Variants in CNTN5 observed in about 807,000 individuals in gnomAD.
CNTN5 encodes contactin 5.
CNTN5 carries 77 observed loss-of-function variants against 129.1 expected under a neutral mutation model. The observed-to-expected ratio is 0.60, with a 90% CI of 0.50 to 0.72. The LOEUF is 0.72. Ranked by LOEUF, CNTN5 falls within the 30% of genes least tolerant of loss-of-function variation. The pLI, the probability that CNTN5 is intolerant of heterozygous loss-of-function variation, is 0.00. For synonymous variants in CNTN5, 509 were observed against 465.6 expected, an observed-to-expected ratio of 1.09 and a Z score of -1.20; for missense variants, 1,478 against 1,328.8, an observed-to-expected ratio of 1.11 and a Z score of -1.75.
At chr11:100,020,987 C>T (rs748821887) in intron 9 of CNTN5, among the ~76,000 whole-genome samples, 28 of 152,006 alleles carry the variant, frequency 1.8e-4, no homozygotes, top group Middle Eastern at 3.2e-3. Context: ...TTAAAATGTC[C>T]GTACTGCCCA....
intron 7 of CNTN5, among the ~76,000 whole-genome samples, chr11:99,933,378 C>T (rs1349087149): frequency 6.6e-6 from 1 of 152,070 alleles, no homozygotes; most frequent in African/African-American, 2.4e-5. Flanking sequence ...TGAACATCAG[C>T]AACTTTTAAG....
intron 2 of CNTN5, among the ~76,000 whole-genome samples, chr11:99,355,609 T>A (rs1938591800): frequency 6.6e-6 from 1 of 151,902 alleles, no homozygotes; most frequent in Admixed American, 6.6e-5. Context: ...AAAAGTAGAG[T>A]GTTTTTGTGC....
At chr11:99,471,375 A>T (rs1318244178) in intron 2 of CNTN5, among the ~76,000 whole-genome samples, 1 of 152,052 alleles carries the variant, frequency 6.6e-6, no homozygotes. Flanking sequence ...ACTCTCATGT[A>T]CTTTCTGGAT....
Position 99,290,120 on chromosome 11 carries a change from A to G in CNTN5, c.-209-35226A>G, listed in dbSNP as rs997044123. 1.2e-4 allele frequency among the ~76,000 whole-genome samples: 18 copies of G among 151,776 alleles called. 1 individual carries two copies. Among genetic ancestry groups the G allele is most frequent in the Non-Finnish European group, 1.5e-5 (1 of 67,738 alleles). On this transcript the variant is annotated intron_variant, in intron 1 of 24. Transcript: ENST00000524871. ...TATTTAAAATTATAACCCCCCCAAA[A>G]TAAAATAAACTTAGGACCCTTATAT... is the stretch of plus-strand genomic sequence containing the variant.
At chr11:99,499,477 G>A (rs779010237) in intron 2 of CNTN5, among the ~76,000 whole-genome samples, 5 of 152,154 alleles carry the variant, frequency 3.3e-5, no homozygotes, top group African/African-American at 7.2e-5. Flanking sequence ...AGCCCTCACC[G>A]GACAACTGAA....
chr11:99,828,504 C>T (rs1471803189), intron 4 of CNTN5, among the ~76,000 whole-genome samples: 1 of 152,156 alleles, frequency 6.6e-6, no homozygotes, highest in Non-Finnish European at 1.5e-5. Flanking sequence ...CTAACCACCT[C>T]TTAAAGTCCC....
intron 8 of CNTN5, among the ~76,000 whole-genome samples, chr11:99,994,379 T>C (rs534350813): frequency 2.6e-5 from 4 of 152,356 alleles, no homozygotes; most frequent in Admixed American, 2.6e-4. Context: ...AAGTGGGTTC[T>C]ACAAATAGTA....
intron 18 of CNTN5, among the ~76,000 whole-genome samples, chr11:100,297,147 T>C (rs937842161): frequency 1.3e-5 from 2 of 151,506 alleles, no homozygotes; most frequent in African/African-American, 4.8e-5. Flanking sequence ...AGTTTCTCAC[T>C]CCATGGAATT....
intron 1 of CNTN5, among the ~76,000 whole-genome samples, chr11:99,277,857 AT>A (rs2135878744): frequency 6.6e-6 from 1 of 151,846 alleles, no homozygotes; most frequent in East Asian, 1.9e-4. Flanking sequence ...CTACAGAAGT[AT>A]TTGTAAAACC....
At chr11:99,849,795 T>C (rs1565603175) in intron 6 of CNTN5, among the ~76,000 whole-genome samples, 3 of 152,134 alleles carry the variant, frequency 2.0e-5, no homozygotes, top group Non-Finnish European at 2.9e-5. Context: ...TGTTGTAAAA[T>C]GTAAATTCAT....
At chr11:100,327,349 T>C (rs1483072972) in intron 21 of CNTN5, among the ~76,000 whole-genome samples, 1 of 152,216 alleles carries the variant, frequency 6.6e-6, no homozygotes, top group African/African-American at 2.4e-5. Flanking sequence ...TCTGCCTAAC[T>C]GTACTTTCTT....
intron 2 of CNTN5, among the ~76,000 whole-genome samples, chr11:99,408,457 A>G (rs1412994811): frequency 7.6e-6 from 1 of 131,994 alleles, no homozygotes; most frequent in Non-Finnish European, 1.6e-5. Flanking sequence ...AGAGAAAGAA[A>G]GAAAGAAAGA....
chr11:99,822,862 A>G (rs1049919400), intron 4 of CNTN5, among the ~76,000 whole-genome samples: 1 of 152,240 alleles, frequency 6.6e-6, no homozygotes, highest in African/African-American at 2.4e-5. Flanking sequence ...ATGACTCCCA[A>G]CAATGGGTTA....
chr11:100,127,241 G>C (rs547644523), intron 13 of CNTN5, among the ~76,000 whole-genome samples: 1 of 151,116 alleles, frequency 6.6e-6, no homozygotes, highest in Admixed American at 6.6e-5. Context: ...CACCCAGCTG[G>C]TATTGCTTTT....
chr11:100,252,888 A>G (rs1183818365), intron 16 of CNTN5, among the ~76,000 whole-genome samples: 1 of 152,164 alleles, frequency 6.6e-6, no homozygotes, highest in African/African-American at 2.4e-5. Flanking sequence ...ACCTGTGGTA[A>G]AGATGCAAAG....
At chr11:99,522,266 C>T (rs1467607959) in intron 2 of CNTN5, among the ~76,000 whole-genome samples, 7 of 152,048 alleles carry the variant, frequency 4.6e-5, no homozygotes. Context: ...TTTTAGATTA[C>T]AACTGTTGTC....
chr11:100,072,689 A>G (rs765100766), intron 12 of CNTN5, among the ~76,000 whole-genome samples: 1 of 152,180 alleles, frequency 6.6e-6, no homozygotes, highest in Non-Finnish European at 1.5e-5. Flanking sequence ...CACCATTTAC[A>G]TATCAGCTAA....
chr11:100,049,157 T>C (rs1237988624), intron 9 of CNTN5, among the ~76,000 whole-genome samples: 3 of 152,124 alleles, frequency 2.0e-5, no homozygotes, highest in African/African-American at 7.2e-5. Flanking sequence ...TATGTGTACA[T>C]ATAAAGTATA....
At chr11:100,073,686 A>G (rs1944017307) in intron 12 of CNTN5, among the ~76,000 whole-genome samples, 1 of 151,986 alleles carries the variant, frequency 6.6e-6, no homozygotes, top group Non-Finnish European at 1.5e-5. Context: ...TGTATTATAT[A>G]AAACATTTAA....
Sources: allele counts gnomAD v4.1 joint callset (sites outside exome capture counted in the v4.1 genomes callset), GRCh38; gene constraint gnomAD v4.1.1; transcripts MANE v1.5; gene names NCBI Gene and HGNC (gene_info 2026-07-23, HGNC 2026-07-21).